Variants in MCM8 observed in about 807,000 individuals in gnomAD.
The protein encoded by MCM8 is DNA helicase MCM8.
In MCM8, 85 loss-of-function variants were observed where a neutral mutation model predicts 98.9. That is an observed-to-expected ratio of 0.86 (90% confidence interval 0.72 to 1.03). The LOEUF (loss-of-function observed/expected upper bound fraction) is 1.03, where lower values mean the gene tolerates loss of function less well. Ranked by LOEUF, MCM8 falls within the 50% of genes least tolerant of loss-of-function variation. MCM8 has a pLI of 0.00. For synonymous variants in MCM8, 352 were observed against 338.6 expected (o/e 1.04, Z -0.44); for missense variants, 951 against 997.8 (o/e 0.95, Z 0.63).
At chr20:5,965,818 C>T (rs2089264079) in intron 8 of MCM8, among the ~76,000 whole-genome samples, 1 of 152,074 alleles carries the variant, frequency 6.6e-6, no homozygotes, top group African/African-American at 2.4e-5. Context: ...TTTCCATTCT[C>T]TCTTCAATAT....
intron 11 of MCM8, chr20:5,972,628 C>T (rs1041545913): frequency 3.9e-6 from 2 of 515,118 alleles, no homozygotes; most frequent in Admixed American, 2.4e-5. Context: ...GATCTCAGCT[C>T]ACTGCAACCT....
At chr20:5,984,687 C>T (rs956405030) in intron 14 of MCM8, 94 bp from the exon 15 acceptor site, 29 of 1,012,748 alleles carry the variant, frequency 2.9e-5, no homozygotes, top group African/African-American at 1.5e-4. Flanking sequence ...TCAAGTTCTG[C>T]GTGGAACTTG....
At chr20:5,990,532 C>A (rs2089830265) in intron 17 of MCM8, among the ~76,000 whole-genome samples, 2 of 152,122 alleles carry the variant, frequency 1.3e-5, no homozygotes, top group African/African-American at 4.8e-5. Context: ...TTATAAGCAA[C>A]CAGATAGTCT....
At chr20:5,973,300 A>T in intron 12 of MCM8, 104 bp downstream of exon 12, 1 of 1,420,990 alleles carries the variant, frequency 7.0e-7, no homozygotes, top group Non-Finnish European at 9.7e-7. Context: ...TCCAGAGGAC[A>T]TGGTTAGGTG....
chr20:5,974,089 G>A (rs1364054505), intron 12 of MCM8, among the ~76,000 whole-genome samples: 1 of 152,154 alleles, frequency 6.6e-6, no homozygotes, highest in East Asian at 1.9e-4. Flanking sequence ...TGGTATGCTT[G>A]TAGTTTCCTT....
Position 5,998,092 on chromosome 20 carries a change from C to G in MCM8, c.*3701C>G, listed in dbSNP as rs149713580. The G allele has an allele frequency of 6.6e-6, 1 of 152,148 alleles. No individual in the cohort carries two copies. Among genetic ancestry groups the G allele is most frequent in the East Asian group, 1.9e-4 (1 of 5,184 alleles). The allele number at this position is 152,148 out of a possible 1,614,324, so 9.4% of individuals were successfully genotyped here. On this transcript the variant is annotated 3_prime_UTR_variant, in exon 19 of 19. Transcript: ENST00000610722. ...GCATGTTATAGTTGCTGTTGTTATA[C>G]AGAAGAATATTAAACAATATTCATA... is the stretch of plus-strand genomic sequence containing the variant.
At chr20:5,981,689 G>A (rs535900036) in intron 13 of MCM8, among the ~76,000 whole-genome samples, 2 of 152,320 alleles carry the variant, frequency 1.3e-5, no homozygotes, top group Admixed American at 1.3e-4. Flanking sequence ...CAGCATAGCA[G>A]CTGTGAAGAA....
chr20:5,976,291 G>A (rs1283845993), intron 12 of MCM8, among the ~76,000 whole-genome samples: 1 of 152,096 alleles, frequency 6.6e-6, no homozygotes, highest in East Asian at 1.9e-4. Context: ...AGTCATGGTG[G>A]CATGCTCCTA....
Position 5,967,567 on chromosome 20 carries a change from A to G in MCM8, c.1007A>G (p.Lys336Arg). ...GDTVTITGIVKVSNAEEGSRN... is the reference protein window; with the variant it reads ...GDTVTITGIVRVSNAEEGSRN... ...ACAGTGACTATTACTGGAATTGTCA[A>G]AGTCTCAAATGCGGAAGAAGGTAGG... is the stretch of plus-strand genomic sequence containing the variant. The change falls in exon 9 of 19, where the codon AAA (lysine) becomes AGA (arginine). Residue 336 changes from lysine to arginine, a missense_variant. Transcript: ENST00000610722. 2 of 1,612,540 alleles carry G rather than the reference A, an allele frequency of 1.2e-6. No individual in the cohort carries two copies. The highest frequency in any genetic ancestry group is 1.7e-6 in the Non-Finnish European group (2 of 1,178,910).
chr20:5,967,610 A>C, intron 9 of MCM8, 23 bp downstream of exon 9: 1 of 1,589,252 alleles, frequency 6.3e-7, no homozygotes, highest in Non-Finnish European at 8.6e-7. Flanking sequence ...TCTTTTCATT[A>C]TTTGTCTCTC....
At chr20:5,981,420 A>G (rs984404042) in intron 13 of MCM8, among the ~76,000 whole-genome samples, 3 of 152,196 alleles carry the variant, frequency 2.0e-5, no homozygotes, top group African/African-American at 7.2e-5. Context: ...TGCCATGAAT[A>G]TGGGACACAT....
chr20:5,978,341 TGTTTTG>T, intron 13 of MCM8, among the ~76,000 whole-genome samples: 1 of 152,172 alleles, frequency 6.6e-6, no homozygotes, highest in African/African-American at 2.4e-5. Flanking sequence ...TTTAAAAGCC[TGTTTTG>T]AAGCTTTGTA....
chr20:5,971,713 T>C (rs1280803594), intron 10 of MCM8, among the ~76,000 whole-genome samples: 1 of 152,222 alleles, frequency 6.6e-6, no homozygotes, highest in East Asian at 1.9e-4. Context: ...ACCATGATTG[T>C]GACGCATTTT....
At chr20:5,972,647 C>A in intron 11 of MCM8, 1 of 718,584 alleles carries the variant, frequency 1.4e-6, no homozygotes, top group Non-Finnish European at 2.1e-6. Context: ...CTCCACCTCC[C>A]AAGTTCAAAC....
intron 15 of MCM8, 89 bp downstream of exon 15, chr20:5,985,089 A>C: frequency 9.7e-7 from 1 of 1,027,406 alleles, no homozygotes; most frequent in Non-Finnish European, 1.4e-6. Flanking sequence ...TAGGATACAA[A>C]CTTTTTTTTT....
intron 13 of MCM8, among the ~76,000 whole-genome samples, chr20:5,978,673 C>T (rs1341131004): frequency 6.6e-6 from 1 of 152,124 alleles, no homozygotes; most frequent in Non-Finnish European, 1.5e-5. Flanking sequence ...AAGCCATTCT[C>T]GTGCCTCCTG....
At chr20:5,988,081 ATAT>A (rs1440419358) in intron 17 of MCM8, among the ~76,000 whole-genome samples, 2 of 152,260 alleles carry the variant, frequency 1.3e-5, no homozygotes, top group East Asian at 3.9e-4. Context: ...AAAATCAGTA[ATAT>A]TATTTTGGGT....
intron 5 of MCM8, among the ~76,000 whole-genome samples, chr20:5,955,630 T>C (rs2088958890): frequency 6.6e-6 from 1 of 152,184 alleles, no homozygotes; most frequent in Non-Finnish European, 1.5e-5. Flanking sequence ...ACCTTAGATT[T>C]AGGTTCTGTG....
chr20:5,981,338 G>A (rs2089626065), intron 13 of MCM8, among the ~76,000 whole-genome samples: 1 of 152,186 alleles, frequency 6.6e-6, no homozygotes, highest in Non-Finnish European at 1.5e-5. Context: ...TCTTAGCACA[G>A]GCAGGGAAGG....
Sources: allele counts gnomAD v4.1 joint callset (sites outside exome capture counted in the v4.1 genomes callset), GRCh38; gene constraint gnomAD v4.1.1; transcripts MANE v1.5; gene names NCBI Gene and HGNC (gene_info 2026-07-23, HGNC 2026-07-21).